Variants in DNAL1 observed in about 807,000 individuals in gnomAD.
DNAL1 encodes chromosome 14 open reading frame 168.
In DNAL1, 17 loss-of-function variants were observed where a neutral mutation model predicts 29.4. That is an observed-to-expected ratio of 0.58 (90% CI 0.40 to 0.87). The LOEUF is 0.87. DNAL1 is among the 40% of genes least tolerant of loss of function. The probability of loss-of-function intolerance (pLI) is 0.00; values close to 1 mark genes in which losing one functional copy is unlikely to be tolerated. For missense variants in DNAL1, 188 were observed against 214.1 expected, an observed-to-expected ratio of 0.88 and a Z score of 0.76; for synonymous variants, 78 against 76.3, an observed-to-expected ratio of 1.02 and a Z score of -0.12.
Position 73,702,433 on chromosome 14 carries a change from C to A in DNAL1, c.*6491C>A, listed in dbSNP as rs559903073. 6.6e-6 allele frequency: 1 copy of A among 152,144 alleles called. No homozygotes were observed. Among genetic ancestry groups the A allele is most frequent in the Admixed American group, 6.5e-5 (1 of 15,268 alleles). 9.4% of individuals were successfully genotyped at this position (152,144 alleles called of 1,614,324 possible). The stretch of plus-strand genomic sequence containing the variant: ...GATTACAGGCACGAGCCACCGCGCA[C>A]GGCCAGAGGCATTCATTTCTTTAGC... On this transcript the variant is annotated 3_prime_UTR_variant, in exon 8 of 8. Transcript: ENST00000553645.
intron 3 of DNAL1, among the ~76,000 whole-genome samples, chr14:73,661,564 G>A (rs895013960): frequency 6.6e-6 from 1 of 152,124 alleles, no homozygotes; most frequent in Non-Finnish European, 1.5e-5. Context: ...GGCCAACATG[G>A]TGAAACCCTG....
rs1432733020 is a variant in DNAL1, at chr14:73,667,844, T to C, written c.209-3698T>C. 2.6e-5 allele frequency among the ~76,000 whole-genome samples: 4 copies of C among 152,188 alleles called. No individual in the cohort carries two copies. In the East Asian group the frequency reaches 7.7e-4, roughly 29 times the overall value. ...AGTGACAAGTCCATTTTTCCAGTTGTTCAGGCCAAACCTCTTGGCAATTTC... is the reference window on the plus strand; with the variant it reads ...AGTGACAAGTCCATTTTTCCAGTTGCTCAGGCCAAACCTCTTGGCAATTTC... On this transcript the variant is annotated intron_variant, in intron 4 of 7. Coordinates refer to ENST00000553645, the MANE Select transcript of DNAL1 (RefSeq NM_031427.4).
At chr14:73,692,608 GAGAAAAAAAAAAAAA>G (rs1460558830) in intron 7 of DNAL1, among the ~76,000 whole-genome samples, 1 of 145,976 alleles carries the variant, frequency 6.9e-6, no homozygotes, top group Non-Finnish European at 1.5e-5. Context: ...GCAGTGAGCC[GAGAAAAAAAAAAAAA>G]AGAATAAAAT....
intron 5 of DNAL1, 98 bp from the exon 6 acceptor site, chr14:73,687,161 T>C: frequency 6.8e-7 from 1 of 1,462,116 alleles, no homozygotes; most frequent in Non-Finnish European, 9.2e-7. Context: ...AGGCAGGGTC[T>C]AAGTTCACTT....
chr14:73,660,999 A>G (rs1891328547), intron 3 of DNAL1, among the ~76,000 whole-genome samples: 1 of 152,138 alleles, frequency 6.6e-6, no homozygotes, highest in Non-Finnish European at 1.5e-5. Context: ...ATGACTAGAA[A>G]ATATACAGAT....
At chr14:73,680,176 A>G (rs1891842157) in intron 5 of DNAL1, among the ~76,000 whole-genome samples, 1 of 152,186 alleles carries the variant, frequency 6.6e-6, no homozygotes, top group Admixed American at 6.6e-5. Context: ...ATCTTAATAT[A>G]TCTTGCAAAT....
At chr14:73,670,236 T>C (rs1454841297) in intron 4 of DNAL1, among the ~76,000 whole-genome samples, 1 of 152,224 alleles carries the variant, frequency 6.6e-6, no homozygotes, top group African/African-American at 2.4e-5. Flanking sequence ...TATAGAACAA[T>C]GTCATCCAAC....
chr14:73,671,636 G>A, intron 5 of DNAL1, 39 bp downstream of exon 5: 1 of 1,385,420 alleles, frequency 7.2e-7, no homozygotes, highest in South Asian at 1.6e-5. Flanking sequence ...TATTTAATTT[G>A]CACACATCTA....
chr14:73,653,826 C>T (rs958147339), intron 1 of DNAL1, among the ~76,000 whole-genome samples: 1 of 152,056 alleles, frequency 6.6e-6, no homozygotes, highest in African/African-American at 2.4e-5. Flanking sequence ...AGGATATCTT[C>T]CGTTGGGTAC....
At chr14:73,684,996 CTT>C (rs1891982545) in intron 5 of DNAL1, among the ~76,000 whole-genome samples, 1 of 152,286 alleles carries the variant, frequency 6.6e-6, no homozygotes, top group Admixed American at 6.5e-5. Flanking sequence ...TAGACATTTA[CTT>C]TTTTGTTTTC....
chr14:73,666,495 C>T (rs973052312), intron 4 of DNAL1, among the ~76,000 whole-genome samples: 6 of 152,202 alleles, frequency 3.9e-5, no homozygotes, highest in Admixed American at 2.0e-4. Flanking sequence ...CATCAGGATA[C>T]TGTATGAAGA....
chr14:73,668,843 AT>A (rs1891547738), intron 4 of DNAL1, among the ~76,000 whole-genome samples: 1 of 151,930 alleles, frequency 6.6e-6, no homozygotes, highest in South Asian at 2.1e-4. Context: ...TGCCCAGCTA[AT>A]TTTTTTATTT....
At chr14:73,679,798 C>T (rs371430170) in intron 5 of DNAL1, among the ~76,000 whole-genome samples, 7 of 151,620 alleles carry the variant, frequency 4.6e-5, no homozygotes, top group East Asian at 1.9e-4. Flanking sequence ...GTCTTATCTT[C>T]TTAATTAAAA....
At chr14:73,693,669 C>T (rs1191385909) in intron 7 of DNAL1, among the ~76,000 whole-genome samples, 1 of 151,950 alleles carries the variant, frequency 6.6e-6, no homozygotes, top group South Asian at 2.1e-4. Context: ...TGTGATCACA[C>T]CCCTGCACTC....
intron 5 of DNAL1, among the ~76,000 whole-genome samples, chr14:73,682,171 C>CTTTT (rs755777316): frequency 0.024 from 3,070 of 129,524 alleles, 122 homozygotes; most frequent in Non-Finnish European, 0.04. Context: ...CTTACTGTAA[C>CTTTT]TTTTTTTTTT....
At position 73,675,887 on chromosome 14, in the gene DNAL1, T is replaced by C. The variant is rs149177741; in HGVS notation, c.264+4290T>C. Among the ~76,000 whole-genome samples, 1,220 of 152,012 alleles carry C rather than the reference T, an allele frequency of 8.0e-3. 21 individuals are homozygous for C. Among genetic ancestry groups the C allele is most frequent in the African/African-American group, 0.028 (1,156 of 41,448 alleles). ...AAAATTAGCCAGGCCTGGTGGCGCGTGCCTGTAATCCCAGCTACTTGGGAG... is the reference window on the plus strand; with the variant it reads ...AAAATTAGCCAGGCCTGGTGGCGCGCGCCTGTAATCCCAGCTACTTGGGAG... On this transcript the variant is annotated intron_variant, in intron 5 of 7. Transcript: ENST00000553645.
At chr14:73,693,693 A>G (rs924622309) in intron 7 of DNAL1, among the ~76,000 whole-genome samples, 1 of 152,166 alleles carries the variant, frequency 6.6e-6, no homozygotes, top group Non-Finnish European at 1.5e-5. Context: ...CCTGGGTAAT[A>G]GAGCAAGACC....
intron 5 of DNAL1, 66 bp from the exon 6 acceptor site, chr14:73,687,193 T>C (rs1481933780): frequency 1.9e-6 from 3 of 1,589,296 alleles, no homozygotes; most frequent in Non-Finnish European, 2.6e-6. Flanking sequence ...ATGTATATCT[T>C]TATAAAGAAG....
Position 73,701,196 on chromosome 14 carries a change from C to T in DNAL1, c.*5254C>T, listed in dbSNP as rs915992452. 6.6e-6 allele frequency: 1 copy of T among 152,182 alleles called. No homozygotes were observed. The highest frequency in any genetic ancestry group is 2.4e-5 in the African/African-American group (1 of 41,456). The allele number at this position is 152,182 out of a possible 1,614,324, so 9.4% of individuals were successfully genotyped here. ...GAGACCCAGCCAACCAAATTATGAT[C>T]TAGCAAATTTAACATAGGGGAAGAG... On this transcript the variant is annotated 3_prime_UTR_variant, in exon 8 of 8. Coordinates refer to ENST00000553645, the MANE Select transcript of DNAL1 (RefSeq NM_031427.4).
Sources: gnomAD v4.1 joint callset for allele counts (sites outside exome capture counted in the v4.1 genomes callset) on GRCh38, gnomAD v4.1.1 for gene constraint, MANE v1.5 for transcripts, NCBI Gene and HGNC (gene_info 2026-07-23, HGNC 2026-07-21) for gene names.